The following KHDRBS3 variants were observed in gnomAD, a reference collection of about 807,000 sequenced individuals.
KHDRBS3 encodes the protein KH domain-containing, RNA-binding, signal transduction-associated protein 3.
KHDRBS3 carries 23 observed loss-of-function variants against 45.6 expected under a neutral mutation model. The ratio of observed to expected loss-of-function variants is 0.50; its 90% confidence interval spans 0.36 to 0.72. The LOEUF (loss-of-function observed/expected upper bound fraction) is 0.72. Among genes scored for constraint, KHDRBS3 ranks in the 30% least tolerant of loss-of-function variants. The pLI, the probability that KHDRBS3 is intolerant of heterozygous loss-of-function variation, is 0.00. For synonymous variants in KHDRBS3, 162 were observed against 156.5 expected (o/e 1.04, Z -0.26); for missense variants, 352 against 424.8 (o/e 0.83, Z 1.51).
At chr8:135,569,880 T>C (rs1485116483) in intron 5 of KHDRBS3, among the ~76,000 whole-genome samples, 1 of 152,132 alleles carries the variant, frequency 6.6e-6, no homozygotes, top group Non-Finnish European at 1.5e-5. Flanking sequence ...CCCCTCTGTC[T>C]TTTTACTCCT....
chr8:135,597,600 G>A (rs901695616), intron 6 of KHDRBS3, among the ~76,000 whole-genome samples: 1 of 151,906 alleles, frequency 6.6e-6, no homozygotes, highest in African/African-American at 2.4e-5. Context: ...ATTTTGCTTG[G>A]TTTTGTTTCT....
intron 1 of KHDRBS3, among the ~76,000 whole-genome samples, chr8:135,515,755 C>G (rs537919261): frequency 1.1e-4 from 16 of 152,230 alleles, no homozygotes; most frequent in African/African-American, 3.9e-4. Flanking sequence ...TTTTCTTTTC[C>G]TTTCCTGGCC....
intron 4 of KHDRBS3, among the ~76,000 whole-genome samples, chr8:135,655,291 TAA>T (rs1831509396): frequency 6.6e-6 from 1 of 152,006 alleles, no homozygotes; most frequent in Non-Finnish European, 1.5e-5. Flanking sequence ...TCTGCAGCAA[TAA>T]AAGGCTAGAG....
intron 3 of KHDRBS3, among the ~76,000 whole-genome samples, 185 bp from the exon 4 acceptor site, chr8:135,548,569 C>T (rs1197412449): frequency 6.6e-6 from 1 of 152,128 alleles, no homozygotes. Flanking sequence ...TGTGTAAAAG[C>T]CTGGGAATAT....
chr8:135,504,170 C>G (rs1016588309), intron 1 of KHDRBS3, among the ~76,000 whole-genome samples: 4 of 152,126 alleles, frequency 2.6e-5, no homozygotes, highest in African/African-American at 9.7e-5. Context: ...TACTTCATGT[C>G]TCACTAAATT....
chr8:135,497,007 T>C (rs1823483773), intron 1 of KHDRBS3, among the ~76,000 whole-genome samples: 2 of 152,234 alleles, frequency 1.3e-5, no homozygotes, highest in Admixed American at 1.3e-4. Flanking sequence ...AGCCCCAGAA[T>C]GCTACTTCTG....
At chr8:135,490,775 A>C (rs1159706678) in intron 1 of KHDRBS3, among the ~76,000 whole-genome samples, 1 of 152,216 alleles carries the variant, frequency 6.6e-6, no homozygotes, top group African/African-American at 2.4e-5. Flanking sequence ...CAAAGCTTAG[A>C]TAATACAGAA....
At chr8:135,626,638 C>T (rs1830375156) in intron 7 of KHDRBS3, among the ~76,000 whole-genome samples, 1 of 152,032 alleles carries the variant, frequency 6.6e-6, no homozygotes, top group African/African-American at 2.4e-5. Context: ...CCCGTTTCTA[C>T]TAAAAAATAC....
At chr8:135,633,177 T>G (rs894777497) in intron 7 of KHDRBS3, among the ~76,000 whole-genome samples, 1 of 152,230 alleles carries the variant, frequency 6.6e-6, no homozygotes, top group Non-Finnish European at 1.5e-5. Flanking sequence ...TAAATATGTT[T>G]TAAATAACTT....
At chr8:135,467,660 A>G (rs1188477364) in intron 1 of KHDRBS3, among the ~76,000 whole-genome samples, 7 of 152,266 alleles carry the variant, frequency 4.6e-5, no homozygotes, top group Non-Finnish European at 1.0e-4. Context: ...CTTGGCAGGA[A>G]TGCCACCGAG....
chr8:135,541,886 C>T (rs146756652), intron 2 of KHDRBS3: 1 of 152,156 alleles, frequency 6.6e-6, no homozygotes, highest in East Asian at 1.9e-4. Context: ...ATCCTTAGAA[C>T]AGCCCTATGA....
intron 6 of KHDRBS3, among the ~76,000 whole-genome samples, chr8:135,602,404 A>C (rs1330562094): frequency 6.6e-6 from 1 of 152,228 alleles, no homozygotes; most frequent in Non-Finnish European, 1.5e-5. Flanking sequence ...GAAAATTGCA[A>C]ATTTAATCTC....
intron 5 of KHDRBS3, among the ~76,000 whole-genome samples, chr8:135,574,725 C>G (rs1289734914): frequency 2.0e-5 from 3 of 152,140 alleles, no homozygotes; most frequent in African/African-American, 7.2e-5. Context: ...ACTCTTTAAT[C>G]ATGTTAAAGA....
intron 1 of KHDRBS3, among the ~76,000 whole-genome samples, chr8:135,465,256 T>C (rs755105729): frequency 6.6e-6 from 1 of 152,150 alleles, no homozygotes; most frequent in Non-Finnish European, 1.5e-5. Flanking sequence ...GGGGACCTTA[T>C]GCCTTCTTTG....
chr8:135,615,032 G>T (rs1829860438), intron 7 of KHDRBS3, among the ~76,000 whole-genome samples: 1 of 151,804 alleles, frequency 6.6e-6, no homozygotes, highest in Non-Finnish European at 1.5e-5. Context: ...TCTTGCCAGA[G>T]GCAGGCCAGA....
intron 6 of KHDRBS3, among the ~76,000 whole-genome samples, chr8:135,601,737 C>A (rs975244976): frequency 6.6e-6 from 1 of 152,186 alleles, no homozygotes; most frequent in African/African-American, 2.4e-5. Flanking sequence ...AGAGTAGATT[C>A]TAAGCTTAGA....
chr8:135,628,896 C>A, intron 7 of KHDRBS3, among the ~76,000 whole-genome samples: 1 of 152,312 alleles, frequency 6.6e-6, no homozygotes, highest in East Asian at 1.9e-4. Context: ...CAGACCTGTT[C>A]GAGGGTATTA....
chr8:135,582,034 T>C lies in KHDRBS3; in HGVS notation c.768T>C (p.Pro256=). The change falls in exon 6 of 9, where the codon CCT becomes CCC. Residue 256 remains proline (P), a synonymous_variant. Coordinates refer to ENST00000355849, the MANE Select transcript of KHDRBS3 (RefSeq NM_006558.3). ...GAGTCCCCCCAACTGGGTACAGACCTCCACCGCCACCCCCGACACAAGAGA... is the reference window on the plus strand; with the variant it reads ...GAGTCCCCCCAACTGGGTACAGACCCCCACCGCCACCCCCGACACAAGAGA... The part of the protein sequence containing the change: ...ARGVPPTGYR[P]PPPPPTQETY... 6.3e-7 allele frequency: 1 copy of C among 1,592,328 alleles called. No homozygotes were observed. Among genetic ancestry groups the C allele is most frequent in the Non-Finnish European group, 8.6e-7 (1 of 1,166,826 alleles).
At chr8:135,514,704 A>G (rs114394491) in intron 1 of KHDRBS3, among the ~76,000 whole-genome samples, 1,757 of 152,308 alleles carry the variant, frequency 0.012, 30 homozygotes, top group African/African-American at 0.037. Context: ...GTTTTTTTTA[A>G]TAACAGTTTA....
Sources: allele counts gnomAD v4.1 joint callset (sites outside exome capture counted in the v4.1 genomes callset), GRCh38; gene constraint gnomAD v4.1.1; transcripts MANE v1.5; gene names NCBI Gene and HGNC (gene_info 2026-07-23, HGNC 2026-07-21).